CHAT: variants seen among roughly 807,000 people sequenced by gnomAD.
The protein encoded by CHAT is acetyl CoA:choline O-acetyltransferase.
A neutral mutation model predicts 76.9 loss-of-function variants in CHAT; 61 were observed. The observed-to-expected ratio is 0.79, with a 90% CI of 0.65 to 0.98. CHAT has a LOEUF of 0.98. Ranked by LOEUF, CHAT falls within the 50% of genes least tolerant of loss-of-function variation. CHAT has a pLI of 0.00. For missense variants in CHAT, 946 were observed against 986.9 expected, an observed-to-expected ratio of 0.96 and a Z score of 0.56; for synonymous variants, 407 against 397.4, an observed-to-expected ratio of 1.02 and a Z score of -0.29.
chr10:49,625,365 T>C, intron 5 of CHAT, 108 bp from the exon 6 acceptor site: 1 of 999,396 alleles, frequency 1.0e-6, no homozygotes, highest in Non-Finnish European at 1.5e-6. Context: ...AGTTCTGGGT[T>C]CTGTGCCCCA....
At chr10:49,648,767 T>C (rs1839770556) in intron 9 of CHAT, among the ~76,000 whole-genome samples, 160 bp downstream of exon 9, 1 of 146,212 alleles carries the variant, frequency 6.8e-6, no homozygotes, top group African/African-American at 2.8e-5. Context: ...ACGATGAATT[T>C]GAAACCCAGC....
chr10:49,641,844 A>G (rs988024685), intron 7 of CHAT, among the ~76,000 whole-genome samples: 6 of 152,212 alleles, frequency 3.9e-5, no homozygotes, highest in Admixed American at 3.3e-4. Context: ...AGAGGGTGGT[A>G]TATGTCCGGG....
At chr10:49,651,723 G>A in intron 10 of CHAT, 161 bp from the exon 11 acceptor site, 1 of 673,608 alleles carries the variant, frequency 1.5e-6, no homozygotes, top group Non-Finnish European at 2.5e-6. Flanking sequence ...ATAGGTCAAG[G>A]CATGTCTCTG....
chr10:49,620,193 G>A (rs1396503722), intron 3 of CHAT, among the ~76,000 whole-genome samples: 1 of 152,026 alleles, frequency 6.6e-6, no homozygotes, highest in African/African-American at 2.4e-5. Context: ...GACAGAGATC[G>A]CATTAGGAAA....
At chr10:49,625,416 C>A in intron 5 of CHAT, 57 bp from the exon 6 acceptor site, 1 of 1,542,118 alleles carries the variant, frequency 6.5e-7, no homozygotes, top group Non-Finnish European at 8.9e-7. Flanking sequence ...TTCTCTGTCT[C>A]CCCTCACCAC....
At chr10:49,653,072 C>T (rs36023817) in intron 11 of CHAT, among the ~76,000 whole-genome samples, 24 of 151,968 alleles carry the variant, frequency 1.6e-4, no homozygotes, top group African/African-American at 4.8e-4. Context: ...ACTATCCCCG[C>T]GACCCTGACA....
intron 2 of CHAT, among the ~76,000 whole-genome samples, chr10:49,617,875 G>A (rs920741417): frequency 6.6e-6 from 1 of 152,318 alleles, no homozygotes; most frequent in African/African-American, 2.4e-5. Context: ...GGAGCAGCCC[G>A]TAGTTGGCAC....
In CHAT at chr10:49,614,225, G is replaced by T; in HGVS notation, c.36G>T (p.Gly12=). The T allele has an allele frequency of 6.5e-7, 1 of 1,531,724 alleles. No individual in the cohort carries two copies. The highest frequency in any genetic ancestry group is 1.2e-5 in the South Asian group (1 of 83,466). 94.9% of individuals were successfully genotyped at this position (1,531,724 alleles called of 1,614,324 possible). ...GLRTAKKRGL[G]GGGKWKREEG... ...GGACAGCGAAGAAGAGGGGGCTTGG[G>T]GGAGGGGGGAAATGGAAGAGAGAGG... Residue 12 remains glycine, a synonymous_variant, in exon 1 of 15, where the codon GGG becomes GGT. Coordinates refer to ENST00000337653, the MANE Select transcript of CHAT (RefSeq NM_020549.5).
intron 6 of CHAT, 102 bp from the exon 7 acceptor site, chr10:49,627,506 G>T: frequency 8.2e-7 from 1 of 1,213,896 alleles, no homozygotes; most frequent in Non-Finnish European, 1.2e-6. Context: ...GGGAACCTTG[G>T]GCCTGAGCAT....
rs1233265314 is a variant in CHAT at position 49,614,160 on chromosome 10, G to A, written c.-30G>A. ...GGGTAGATTCTGGGGGCCGGGAGCTGAGATCCCTGGGCGGGGAGCTGGGGA... is the reference window on the plus strand; with the variant it reads ...GGGTAGATTCTGGGGGCCGGGAGCTAAGATCCCTGGGCGGGGAGCTGGGGA... On this transcript the variant is annotated 5_prime_UTR_variant, in exon 1 of 15. Transcript: ENST00000337653. The A allele has an allele frequency of 6.5e-7, 1 of 1,543,584 alleles. No individual in the cohort carries two copies. The highest frequency in any genetic ancestry group is 1.4e-5 in the African/African-American group (1 of 72,108).
At chr10:49,612,587 T>C, upstream of CHAT, 1 of 506,594 alleles carries the variant, frequency 2.0e-6, no homozygotes, top group Non-Finnish European at 3.5e-6. Flanking sequence ...AAGAGGACCC[T>C]GAGTCCCCAC....
Position 49,662,788 on chromosome 10 carries a change from GC to G in CHAT, c.1977+10del, listed in dbSNP as rs751847133. ...TTGTCCTCTCCACTAGCCAGGTACGGCCCCGTGCAGCTATCGCCCAAGAGTA... is the reference window on the plus strand; with the variant it reads ...TTGTCCTCTCCACTAGCCAGGTACGGCCCGTGCAGCTATCGCCCAAGAGTA... On this transcript the variant is annotated splice_region_variant and intron_variant, in intron 14 of 14. Coordinates refer to ENST00000337653, the MANE Select transcript of CHAT (RefSeq NM_020549.5). The G allele has an allele frequency of 6.2e-6, 10 of 1,614,070 alleles. No individual in the cohort carries two copies. In the African/African-American group the frequency reaches 1.1e-4, roughly 17 times the overall value.
At position 49,644,273 on chromosome 10, in the gene CHAT, A is replaced by G. The variant is rs200116141; in HGVS notation, c.1112-2232A>G. Among the ~76,000 whole-genome samples, 5 of 152,260 alleles carry G rather than the reference A, an allele frequency of 3.3e-5. No individual in the cohort carries two copies. The East Asian group carries it at 7.7e-4, about 24-fold the overall frequency. ...AGGGAGGGGCAGGAGGTTGTCTGTG[A>G]GGTCCACGCAGGGATCTAGGGTGGG... On this transcript the variant is annotated intron_variant, in intron 7 of 14. Coordinates refer to ENST00000337653, the MANE Select transcript of CHAT (RefSeq NM_020549.5).
intron 7 of CHAT, among the ~76,000 whole-genome samples, chr10:49,636,106 A>T (rs143940222): frequency 6.6e-6 from 1 of 152,076 alleles, no homozygotes; most frequent in Non-Finnish European, 1.5e-5. Context: ...ACAAAACTCA[A>T]TTATAGTCTT....
upstream of CHAT, chr10:49,611,448 T>G (rs1270083337): frequency 6.3e-7 from 1 of 1,598,472 alleles, no homozygotes; most frequent in Non-Finnish European, 8.5e-7. Context: ...GCATCCTCTA[T>G]GAGTTCGCCG....
At chr10:49,621,333 G>A (rs1838700442) in intron 4 of CHAT, among the ~76,000 whole-genome samples, 1 of 152,170 alleles carries the variant, frequency 6.6e-6, no homozygotes, top group Non-Finnish European at 1.5e-5. Flanking sequence ...CTACCAGCTG[G>A]CCAGCCTTCC....
chr10:49,623,049 G>C (rs777482949), intron 5 of CHAT, among the ~76,000 whole-genome samples: 4 of 152,162 alleles, frequency 2.6e-5, no homozygotes, highest in Non-Finnish European at 5.9e-5. Flanking sequence ...AGGGCATTCT[G>C]CACCACACGC....
At chr10:49,646,710 A>C in intron 8 of CHAT, 36 bp downstream of exon 8, 1 of 1,609,174 alleles carries the variant, frequency 6.2e-7, no homozygotes, top group Non-Finnish European at 8.5e-7. Context: ...GAGCACAGCC[A>C]TGCCCCCAGC....
chr10:49,662,863 T>A (rs1368600894), intron 14 of CHAT, 81 bp downstream of exon 14: 3 of 1,554,824 alleles, frequency 1.9e-6, no homozygotes, highest in Non-Finnish European at 1.8e-6. Flanking sequence ...GCCCACTAGC[T>A]GGAATCAGGC....
Sources: gnomAD v4.1 joint callset for allele counts (sites outside exome capture counted in the v4.1 genomes callset) on GRCh38, gnomAD v4.1.1 for gene constraint, MANE v1.5 for transcripts, NCBI Gene and HGNC (gene_info 2026-07-23, HGNC 2026-07-21) for gene names.